Variants in ASH1L observed in about 807,000 individuals in gnomAD.
The protein encoded by ASH1L is ASH1 like histone lysine methyltransferase.
A neutral mutation model predicts 269.0 loss-of-function variants in ASH1L; 23 were observed. That is an observed-to-expected ratio of 0.09 (90% CI 0.06 to 0.12). The LOEUF is 0.12. ASH1L is among the 10% of genes least tolerant of loss of function. The pLI, the probability that ASH1L is intolerant of heterozygous loss-of-function variation, is 1.00. For missense variants in ASH1L, 2,912 were observed against 3,567.8 expected, an observed-to-expected ratio of 0.82 and a Z score of 4.68; for synonymous variants, 1,187 against 1,253.5, an observed-to-expected ratio of 0.95 and a Z score of 1.12.
At chr1:155,557,217 A>G (rs1265266238) in intron 1 of ASH1L, among the ~76,000 whole-genome samples, 2 of 152,148 alleles carry the variant, frequency 1.3e-5, no homozygotes, top group African/African-American at 2.4e-5. Context: ...AAATAGCAGT[A>G]AGATTATTGG....
intron 10 of ASH1L, among the ~76,000 whole-genome samples, chr1:155,375,798 CAA>C (rs60058591): frequency 3.6e-5 from 5 of 138,072 alleles, no homozygotes; most frequent in East Asian, 2.0e-4. Flanking sequence ...AACTTCGTCT[CAA>C]AAAAAAAAAA....
At chr1:155,552,744 A>G (rs1671305122) in intron 1 of ASH1L, among the ~76,000 whole-genome samples, 1 of 152,232 alleles carries the variant, frequency 6.6e-6, no homozygotes, top group Non-Finnish European at 1.5e-5. Context: ...TATGCTAAAA[A>G]TTGAAAATGG....
chr1:155,352,870 A>C lies in ASH1L; in HGVS notation c.7214-12T>G. The C allele has an allele frequency of 6.3e-7, 1 of 1,584,418 alleles. No individual in the cohort carries two copies. The highest frequency in any genetic ancestry group is 8.6e-7 in the Non-Finnish European group (1 of 1,168,662). On this transcript the variant is annotated splice_polypyrimidine_tract_variant and intron_variant, in intron 16 of 27. Transcript: ENST00000392403. The stretch of plus-strand genomic sequence containing the variant: ...GGTCATGAAGACATCTGGAAAAATA[A>C]AGTGAAAATTAAGTTACAGGAAACA...
intron 25 of ASH1L, among the ~76,000 whole-genome samples, chr1:155,339,851 A>T (rs2148310645): frequency 6.6e-6 from 1 of 152,328 alleles, no homozygotes; most frequent in African/African-American, 2.4e-5. Flanking sequence ...AGTATTGTGT[A>T]TCTAAACATA....
At chr1:155,354,655 C>T (rs1654212284) in intron 15 of ASH1L, 25 bp from the exon 16 acceptor site, 1 of 1,600,358 alleles carries the variant, frequency 6.2e-7, no homozygotes, top group Non-Finnish European at 8.5e-7. Flanking sequence ...AAAAAATCTT[C>T]CTTTATTCAT....
At chr1:155,493,678 G>A (rs11578594) in intron 2 of ASH1L, among the ~76,000 whole-genome samples, 2 of 152,076 alleles carry the variant, frequency 1.3e-5, no homozygotes, top group African/African-American at 4.8e-5. Context: ...GACCAGCCTA[G>A]CCAACATGGT....
chr1:155,351,781 G>GT (rs1329177201), intron 17 of ASH1L, among the ~76,000 whole-genome samples: 1 of 151,872 alleles, frequency 6.6e-6, no homozygotes, highest in Non-Finnish European at 1.5e-5. Context: ...AACCCAGGAG[G>GT]TGGAGGTTGC....
chr1:155,417,098 A>AT (rs896605619), intron 5 of ASH1L, among the ~76,000 whole-genome samples: 11 of 150,410 alleles, frequency 7.3e-5, no homozygotes, highest in South Asian at 2.1e-4. Context: ...CACCCAGCTT[A>AT]TTTTTTTTGT....
chr1:155,395,700 T>G (rs1658286517), intron 6 of ASH1L, 147 bp from the exon 7 acceptor site: 1 of 527,186 alleles, frequency 1.9e-6, no homozygotes, highest in Non-Finnish European at 3.2e-6. Flanking sequence ...GAAACTGTCC[T>G]TAAGAAAGAG....
chr1:155,338,980 C>T (rs1304202977), intron 26 of ASH1L, among the ~76,000 whole-genome samples: 1 of 152,148 alleles, frequency 6.6e-6, no homozygotes, highest in African/African-American at 2.4e-5. Flanking sequence ...TCAGTGAAAA[C>T]TGTACTGGCT....
chr1:155,516,341 T>C (rs1668501878), intron 2 of ASH1L, among the ~76,000 whole-genome samples: 1 of 152,220 alleles, frequency 6.6e-6, no homozygotes, highest in Admixed American at 6.5e-5. Flanking sequence ...TTCCCAAATC[T>C]GCTGGAATGT....
intron 19 of ASH1L, among the ~76,000 whole-genome samples, chr1:155,348,183 T>A (rs1653533973): frequency 6.6e-6 from 1 of 152,170 alleles, no homozygotes. Context: ...TACACAGAGA[T>A]CATGAAATAT....
Position 155,357,667 on chromosome 1 carries a change from T to C in ASH1L, c.6878A>G (p.Lys2293Arg). ...SQRVNGLTSS[K>R]NSQPMATHKK... is the part of the protein sequence containing the mutation. ...GTGTGTGGCCATGGGCTGGCTGTTT[T>C]TGCTGCTGGTGAGTCCATTCACACG... Residue 2293 changes from lysine to arginine, a missense_variant, in exon 14 of 28, where the codon AAA becomes AGA. By Grantham distance (26) the Lys-to-Arg change is conservative. Around this residue, in one of 13 missense-constraint regions of ASH1L, gnomAD observed 309 missense variants for 435.1 expected, o/e 0.71. Transcript: ENST00000392403. The C allele has an allele frequency of 1.9e-6, 3 of 1,614,188 alleles. 1 individual carries two copies. The highest frequency in any genetic ancestry group is 2.2e-5 in the South Asian group (2 of 91,086).
intron 6 of ASH1L, among the ~76,000 whole-genome samples, chr1:155,403,206 G>T (rs1333871104): frequency 6.6e-6 from 1 of 151,896 alleles, no homozygotes; most frequent in Non-Finnish European, 1.5e-5. Context: ...AAGAGCTGGT[G>T]GTGGTGCAAA....
At chr1:155,492,737 AAGT>A (rs1666889029) in intron 2 of ASH1L, among the ~76,000 whole-genome samples, 2 of 151,540 alleles carry the variant, frequency 1.3e-5, no homozygotes, top group African/African-American at 4.8e-5. Context: ...ATTTGAAAAC[AAGT>A]AGGTTTTTTT....
chr1:155,554,398 G>A (rs1406151065), intron 1 of ASH1L, among the ~76,000 whole-genome samples: 1 of 151,908 alleles, frequency 6.6e-6, no homozygotes, highest in African/African-American at 2.4e-5. Flanking sequence ...TCAGCCTCCC[G>A]AGTAGCTGGG....
intron 10 of ASH1L, among the ~76,000 whole-genome samples, chr1:155,377,578 CA>C (rs750597944): frequency 6.6e-6 from 1 of 151,074 alleles, no homozygotes; most frequent in South Asian, 2.1e-4. Context: ...AAAAACAAAA[CA>C]AAACAAAACA....
At chr1:155,399,080 T>G (rs1558064039) in intron 6 of ASH1L, among the ~76,000 whole-genome samples, 1 of 152,186 alleles carries the variant, frequency 6.6e-6, no homozygotes, top group Non-Finnish European at 1.5e-5. Flanking sequence ...TTTTGAAATG[T>G]CTATCTTGGG....
intron 2 of ASH1L, among the ~76,000 whole-genome samples, chr1:155,496,140 C>A (rs1384946730): frequency 6.6e-6 from 1 of 152,130 alleles, no homozygotes; most frequent in South Asian, 2.1e-4. Context: ...TGTACAAAAT[C>A]TTTTCTTTGT....
Sources: gnomAD v4.1 joint callset for allele counts (sites outside exome capture counted in the v4.1 genomes callset) on GRCh38, gnomAD v4.1.1 for gene constraint, gnomAD v4.1.1 regional missense constraint, MANE v1.5 for transcripts, NCBI Gene and HGNC (gene_info 2026-07-23, HGNC 2026-07-21) for gene names.